Variants in SGIP1 observed in about 807,000 individuals in gnomAD.
The protein encoded by SGIP1 is SH3-containing GRB2-like protein 3-interacting protein 1.
Under a neutral mutation model 107.5 loss-of-function variants are expected in SGIP1, and 38 were observed. The ratio of observed to expected loss-of-function variants is 0.35; its 90% CI spans 0.27 to 0.46. The LOEUF (loss-of-function observed/expected upper bound fraction) is 0.46, where lower values mean the gene tolerates loss of function less well. Among genes scored for constraint, SGIP1 ranks in the 20% least tolerant of loss-of-function variants. SGIP1 has a pLI of 1.00. For synonymous variants in SGIP1, 365 were observed against 366.1 expected, an observed-to-expected ratio of 1.00 and a Z score of 0.03; for missense variants, 929 against 1,019.5, an observed-to-expected ratio of 0.91 and a Z score of 1.21.
intron 18 of SGIP1, among the ~76,000 whole-genome samples, chr1:66,716,572 A>C (rs920923597): frequency 5.3e-5 from 8 of 152,234 alleles, no homozygotes; most frequent in Non-Finnish European, 1.0e-4. Flanking sequence ...TCATACATTT[A>C]CATAGCTAGC....
chr1:66,597,498 C>A (rs1466619070), intron 1 of SGIP1, among the ~76,000 whole-genome samples: 2 of 152,150 alleles, frequency 1.3e-5, no homozygotes, highest in Non-Finnish European at 2.9e-5. Context: ...GGGGAGTATT[C>A]TGCAGTACTA....
At chr1:66,605,348 C>T (rs1484859034) in intron 1 of SGIP1, among the ~76,000 whole-genome samples, 1 of 152,022 alleles carries the variant, frequency 6.6e-6, no homozygotes, top group African/African-American at 2.4e-5. Context: ...CCAGATAAAG[C>T]CCCTTACCTT....
chr1:66,640,314 C>A (rs1003742598), intron 5 of SGIP1, among the ~76,000 whole-genome samples: 4 of 152,124 alleles, frequency 2.6e-5, no homozygotes, highest in Non-Finnish European at 4.4e-5. Context: ...ACCTGCCTAG[C>A]CTGTAGTATT....
intron 1 of SGIP1, among the ~76,000 whole-genome samples, chr1:66,566,493 G>T (rs761151035): frequency 6.6e-6 from 1 of 151,762 alleles, no homozygotes; most frequent in African/African-American, 2.4e-5. Context: ...ATTAATCCTC[G>T]TATGCAGCAG....
intron 4 of SGIP1, among the ~76,000 whole-genome samples, chr1:66,639,548 C>T (rs778799123): frequency 9.2e-5 from 14 of 152,182 alleles, no homozygotes; most frequent in Non-Finnish European, 1.9e-4. Context: ...CCTCAGTATC[C>T]TACAATCTTT....
intron 1 of SGIP1, among the ~76,000 whole-genome samples, chr1:66,540,637 A>T (rs2054704141): frequency 6.6e-6 from 1 of 152,234 alleles, no homozygotes; most frequent in Admixed American, 6.5e-5. Context: ...TACAGTGGCA[A>T]TGTCATGGAA....
At chr1:66,699,035 G>A (rs1018645533) in intron 18 of SGIP1, among the ~76,000 whole-genome samples, 2 of 151,720 alleles carry the variant, frequency 1.3e-5, no homozygotes, top group Admixed American at 6.6e-5. Context: ...GACTCTCTGC[G>A]CTCCTGTTTA....
At position 66,630,340 on chromosome 1, in the gene SGIP1, C is replaced by T. The variant is rs1043722688; in HGVS notation, c.75-2730C>T. Among the ~76,000 whole-genome samples, 35 of 152,150 alleles carry T rather than the reference C, an allele frequency of 2.3e-4. 1 individual carries two copies. Among genetic ancestry groups the T allele is most frequent in the Admixed American group, 2.3e-3 (35 of 15,266 alleles). On this transcript the variant is annotated intron_variant, in intron 2 of 24. Coordinates refer to ENST00000371037, the MANE Select transcript of SGIP1 (RefSeq NM_032291.4). ...CTCCGAGCTTTTGCCGCATCTATTT[C>T]TTGCTGTTCCCAAAGGCATCTCCAC...
chr1:66,674,897 AT>A (rs1217313190), intron 12 of SGIP1, among the ~76,000 whole-genome samples: 2 of 152,210 alleles, frequency 1.3e-5, no homozygotes, highest in African/African-American at 2.4e-5. Flanking sequence ...TGGAGAATGA[AT>A]TCTGGGAGAT....
Position 66,682,057 on chromosome 1 carries a change from T to G in SGIP1, c.1003T>G (p.Ser335Ala), listed in dbSNP as rs751942095. 8.7e-6 allele frequency: 14 copies of G among 1,614,110 alleles called. No homozygotes were observed. The highest frequency in any genetic ancestry group is 1.1e-5 in the Non-Finnish European group (13 of 1,180,024). Residue 335 changes from serine (S) to alanine (A), a missense_variant, in exon 15 of 25, where the codon TCC becomes GCC. Ser to Ala is a moderately conservative substitution (Grantham distance 99, BLOSUM62 1). Transcript: ENST00000371037. The stretch of plus-strand genomic sequence containing the variant: ...GTTGACTCCAAGGGAAAAAGTGGTG[T>G]CCCCACCAGCTACACCAGACAACCC... The part of the protein sequence containing the change: ...PELTPREKVV[S>A]PPATPDNPAD...
At chr1:66,738,563 A>C (rs2094344582) in intron 21 of SGIP1, among the ~76,000 whole-genome samples, 2 of 152,180 alleles carry the variant, frequency 1.3e-5, no homozygotes, top group African/African-American at 4.8e-5. Context: ...GATTCTTCAA[A>C]CCTGGCTTTT....
intron 6 of SGIP1, among the ~76,000 whole-genome samples, chr1:66,643,313 A>G (rs866954940): frequency 4.6e-5 from 7 of 152,206 alleles, no homozygotes; most frequent in African/African-American, 1.4e-4. Flanking sequence ...GGTCAACTGC[A>G]GCAAAAATGT....
At chr1:66,534,575 C>G (rs765844100) in intron 1 of SGIP1, among the ~76,000 whole-genome samples, 11 of 152,302 alleles carry the variant, frequency 7.2e-5, no homozygotes, top group Middle Eastern at 3.4e-3. Flanking sequence ...TCAGAACCTA[C>G]AGAGCTCCCA....
intron 12 of SGIP1, 96 bp downstream of exon 12, chr1:66,673,462 T>G: frequency 9.0e-7 from 1 of 1,110,520 alleles, no homozygotes; most frequent in Non-Finnish European, 1.2e-6. Flanking sequence ...GGTATATTTT[T>G]AATATATTAT....
intron 1 of SGIP1, among the ~76,000 whole-genome samples, chr1:66,589,158 G>T (rs2063146584): frequency 1.2e-5 from 1 of 83,398 alleles, no homozygotes; most frequent in Non-Finnish European, 2.4e-5. Context: ...TCTGATAAAA[G>T]TTTACATATA....
At chr1:66,652,405 A>T (rs2078931210) in intron 7 of SGIP1, among the ~76,000 whole-genome samples, 1 of 152,148 alleles carries the variant, frequency 6.6e-6, no homozygotes, top group Non-Finnish European at 1.5e-5. Flanking sequence ...GCAGGAGCTG[A>T]CCTACCCTGG....
intron 7 of SGIP1, chr1:66,660,207 GAAA>G (rs2081142987): frequency 4.0e-5 from 7 of 176,452 alleles, no homozygotes; most frequent in Middle Eastern, 1.5e-3. Flanking sequence ...AAGAAAGAAA[GAAA>G]GAAAGAGAAA....
chr1:66,567,938 G>A (rs930711326), intron 1 of SGIP1, among the ~76,000 whole-genome samples: 6 of 152,116 alleles, frequency 3.9e-5, no homozygotes, highest in African/African-American at 1.4e-4. Flanking sequence ...CAGGTAGCAT[G>A]ATGCCTCCAG....
chr1:66,572,790 A>G (rs1193566324), intron 1 of SGIP1, among the ~76,000 whole-genome samples: 2 of 152,088 alleles, frequency 1.3e-5, no homozygotes, highest in Non-Finnish European at 2.9e-5. Context: ...CAACAGAGAG[A>G]ATAAAAATTT....
Sources: allele counts gnomAD v4.1 joint callset (sites outside exome capture counted in the v4.1 genomes callset), GRCh38; gene constraint gnomAD v4.1.1; transcripts MANE v1.5; gene names NCBI Gene and HGNC (gene_info 2026-07-23, HGNC 2026-07-21).